The following MAGI1 variants were observed in gnomAD, a reference collection of about 807,000 sequenced individuals.
MAGI1 encodes membrane-associated guanylate kinase, WW and PDZ domain-containing protein 1.
A neutral mutation model predicts 139.9 loss-of-function variants in MAGI1; 58 were observed. The observed-to-expected ratio is 0.41, with a 90% CI of 0.34 to 0.52. The LOEUF (loss-of-function observed/expected upper bound fraction) is 0.52, where lower values mean the gene tolerates loss of function less well. Among genes scored for constraint, MAGI1 ranks in the 20% least tolerant of loss-of-function variants. The pLI, the probability that MAGI1 is intolerant of heterozygous loss-of-function variation, is 0.12. For synonymous variants in MAGI1, 812 were observed against 737.9 expected, an observed-to-expected ratio of 1.10 and a Z score of -1.63; for missense variants, 1,874 against 1,901.6, an observed-to-expected ratio of 0.99 and a Z score of 0.27.
At chr3:65,724,302 G>C (rs1559822183) in intron 1 of MAGI1, among the ~76,000 whole-genome samples, 1 of 152,194 alleles carries the variant, frequency 6.6e-6, no homozygotes, top group Non-Finnish European at 1.5e-5. Context: ...CATCTCTCAG[G>C]TTTTTGTCAG....
At chr3:65,621,666 C>A (rs2083674420) in intron 2 of MAGI1, among the ~76,000 whole-genome samples, 1 of 152,140 alleles carries the variant, frequency 6.6e-6, no homozygotes, top group Non-Finnish European at 1.5e-5. Flanking sequence ...CCTTCTGTGC[C>A]TGATCTCATT....
chr3:65,391,346 T>C lies in MAGI1; in HGVS notation c.2212A>G (p.Arg738Gly). 6.2e-7 allele frequency: 1 copy of C among 1,614,046 alleles called. No individual in the cohort carries two copies. The highest frequency in any genetic ancestry group is 8.5e-7 in the Non-Finnish European group (1 of 1,179,948). ...TGAGAACTATTCTGGCTGTCTTTCC[T>C]TTCCAGTGGTTGCTGAAAGTAAGCA... ...KKSPKSQPLE[R>G]KDSQNSSQHS... is the part of the protein sequence containing the mutation. The change falls in exon 14 of 23, where the codon AGG becomes GGG. Residue 738 changes from arginine (R) to glycine (G), a missense_variant. Physicochemically the swap from Arg to Gly is moderately radical, Grantham distance 125 (BLOSUM62 -2). Around this residue, in one of 5 missense-constraint regions of MAGI1, gnomAD observed 482 missense variants for 509.6 expected, o/e 0.95. Coordinates refer to ENST00000402939, the MANE Select transcript of MAGI1 (RefSeq NM_001033057.2).
intron 3 of MAGI1, among the ~76,000 whole-genome samples, chr3:65,487,664 T>C (rs1182470095): frequency 2.0e-5 from 3 of 152,240 alleles, no homozygotes; most frequent in Non-Finnish European, 4.4e-5. Flanking sequence ...GAGGCTTCAC[T>C]GGTTCACTCT....
chr3:65,685,071 C>T (rs569448978), intron 1 of MAGI1, among the ~76,000 whole-genome samples: 58 of 151,448 alleles, frequency 3.8e-4, no homozygotes, highest in African/African-American at 9.9e-4. Flanking sequence ...CTATAGTTTT[C>T]GGAAATTATA....
rs532216370 is a variant in MAGI1 at position 65,604,192 on chromosome 3, CA to C, written c.430+17779del. ...ATTTATGTTTAAAAACATCCAAATG[CA>C]AAAAAAAAAAGTATCTGAGGATCAA... On this transcript the variant is annotated intron_variant, in intron 2 of 22. Coordinates refer to ENST00000402939, the MANE Select transcript of MAGI1 (RefSeq NM_001033057.2). Among the ~76,000 whole-genome samples, 770 of 136,226 alleles carry C rather than the reference CA, an allele frequency of 5.7e-3. 5 individuals are homozygous for C. The highest frequency in any genetic ancestry group is 5.5e-3 in the Non-Finnish European group (342 of 62,334). 89.4% of individuals were successfully genotyped at this position (136,226 alleles called of 152,430 possible).
intron 1 of MAGI1, among the ~76,000 whole-genome samples, chr3:65,866,164 T>A (rs2059717050): frequency 6.6e-6 from 1 of 151,410 alleles, no homozygotes. Context: ...ATACTACGTA[T>A]AAAGAATAAC....
chr3:65,495,764 T>C (rs528542181), intron 2 of MAGI1, among the ~76,000 whole-genome samples: 1 of 151,988 alleles, frequency 6.6e-6, no homozygotes, highest in African/African-American at 2.4e-5. Context: ...CTATATTAGC[T>C]AGGTGATGAG....
At chr3:65,805,327 G>A (rs7637365) in intron 1 of MAGI1, among the ~76,000 whole-genome samples, 24,835 of 151,792 alleles carry the variant, frequency 0.16, 3,745 homozygotes, top group African/African-American at 0.41. Flanking sequence ...GCCAACAAAC[G>A]TATGAAAAAA....
chr3:65,609,571 G>A (rs1576467766), intron 2 of MAGI1, among the ~76,000 whole-genome samples: 1 of 151,032 alleles, frequency 6.6e-6, no homozygotes, highest in Non-Finnish European at 1.5e-5. Flanking sequence ...GAGCCACCGG[G>A]TTTTTTTTGT....
rs1380152261 is a variant in MAGI1, at chr3:65,591,121, T to C, written c.430+30851A>G. ...AACTGGGGAATGTTGGGCTAAATCATGGTACAGCAAAATTTTCCATGAACT... is the reference window on the plus strand; with the variant it reads ...AACTGGGGAATGTTGGGCTAAATCACGGTACAGCAAAATTTTCCATGAACT... On this transcript the variant is annotated intron_variant, in intron 2 of 22. Coordinates refer to ENST00000402939, the MANE Select transcript of MAGI1 (RefSeq NM_001033057.2). Among the ~76,000 whole-genome samples the C allele has an allele frequency of 2.0e-5, 3 of 152,250 alleles. No homozygotes were observed. In the East Asian group the frequency reaches 5.8e-4, roughly 29 times the overall value.
intron 1 of MAGI1, among the ~76,000 whole-genome samples, chr3:65,933,448 C>T (rs2062896753): frequency 6.6e-6 from 1 of 152,158 alleles, no homozygotes; most frequent in Admixed American, 6.5e-5. Flanking sequence ...GCTTGTCTGT[C>T]CTCATACTAT....
chr3:65,782,761 C>T (rs1004353271), intron 1 of MAGI1, among the ~76,000 whole-genome samples: 1 of 151,622 alleles, frequency 6.6e-6, no homozygotes, highest in Non-Finnish European at 1.5e-5. Context: ...TTAACATCTA[C>T]TGAGCTTTTA....
chr3:65,476,247 C>T (rs1950881014), intron 4 of MAGI1, among the ~76,000 whole-genome samples: 1 of 152,158 alleles, frequency 6.6e-6, no homozygotes, highest in South Asian at 2.1e-4. Flanking sequence ...AGTCAACGTG[C>T]TCCATACATT....
intron 22 of MAGI1, chr3:65,360,832 C>T (rs1940777677): frequency 5.5e-6 from 6 of 1,091,530 alleles, no homozygotes; most frequent in Non-Finnish European, 5.6e-6. Flanking sequence ...AGGAAACCTG[C>T]TTTCCTGCTT....
chr3:65,774,439 T>C (rs1020106209), intron 1 of MAGI1, among the ~76,000 whole-genome samples: 4 of 152,164 alleles, frequency 2.6e-5, no homozygotes, highest in African/African-American at 4.8e-5. Flanking sequence ...GAAGTCCATG[T>C]TTGTTATATA....
At chr3:65,651,128 A>G (rs898531181) in intron 1 of MAGI1, among the ~76,000 whole-genome samples, 2 of 152,154 alleles carry the variant, frequency 1.3e-5, no homozygotes, top group Non-Finnish European at 2.9e-5. Flanking sequence ...AGGCCAGCAG[A>G]CTTACATGAA....
At chr3:65,538,988 A>G (rs62255329) in intron 2 of MAGI1, among the ~76,000 whole-genome samples, 22 of 118,138 alleles carry the variant, frequency 1.9e-4, no homozygotes, top group East Asian at 5.0e-4. Flanking sequence ...ACCAACTACC[A>G]TCAACCAGAA....
intron 7 of MAGI1, among the ~76,000 whole-genome samples, chr3:65,444,148 C>T (rs1948521257): frequency 6.6e-6 from 1 of 152,112 alleles, no homozygotes; most frequent in Admixed American, 6.6e-5. Context: ...AAAGAAAAAA[C>T]ATTTAGCAAG....
intron 1 of MAGI1, among the ~76,000 whole-genome samples, chr3:65,899,057 G>A (rs903978059): frequency 5.3e-5 from 8 of 152,040 alleles, no homozygotes; most frequent in Non-Finnish European, 7.4e-5. Context: ...GGGCAGCTGG[G>A]ACTACAGGCA....
Sources: gnomAD v4.1 joint callset for allele counts (sites outside exome capture counted in the v4.1 genomes callset) on GRCh38, gnomAD v4.1.1 for gene constraint, gnomAD v4.1.1 regional missense constraint, MANE v1.5 for transcripts, NCBI Gene and HGNC (gene_info 2026-07-23, HGNC 2026-07-21) for gene names.